Variants in CDK8 observed in about 807,000 individuals in gnomAD.
CDK8 encodes the protein cyclin-dependent kinase 8.
A neutral mutation model predicts 71.5 loss-of-function variants in CDK8; 29 were observed. The observed-to-expected ratio is 0.41, with a 90% CI of 0.30 to 0.55. The LOEUF is 0.55. Among genes scored for constraint, CDK8 ranks in the 20% least tolerant of loss-of-function variants. The pLI is 0.37. For missense variants in CDK8, 288 were observed against 572.6 expected (o/e 0.50, Z 5.07); for synonymous variants, 161 against 192.1 (o/e 0.84, Z 1.34).
chr13:26,300,904 C>T (rs1244281805), intron 1 of CDK8, among the ~76,000 whole-genome samples: 4 of 152,122 alleles, frequency 2.6e-5, no homozygotes, highest in African/African-American at 9.7e-5. Context: ...GAGTTTGGTA[C>T]TGTAGGAAAG....
chr13:26,323,474 A>C (rs915597772), intron 1 of CDK8, among the ~76,000 whole-genome samples: 44 of 152,098 alleles, frequency 2.9e-4, no homozygotes, highest in African/African-American at 1.0e-3. Context: ...TTACCTCCCC[A>C]AGGCCCATAT....
intron 1 of CDK8, among the ~76,000 whole-genome samples, chr13:26,270,045 A>C (rs532833071): frequency 1.3e-5 from 2 of 152,222 alleles, no homozygotes; most frequent in South Asian, 4.1e-4. Flanking sequence ...GTTTTTCTTA[A>C]TATGGCTTTT....
At chr13:26,266,093 C>G (rs906309102) in intron 1 of CDK8, among the ~76,000 whole-genome samples, 2 of 152,028 alleles carry the variant, frequency 1.3e-5, no homozygotes, top group Non-Finnish European at 2.9e-5. Context: ...AGGTTTCTGG[C>G]TTGGGCAGCT....
At chr13:26,280,829 C>A (rs1010443794) in intron 1 of CDK8, among the ~76,000 whole-genome samples, 75 of 152,214 alleles carry the variant, frequency 4.9e-4, no homozygotes, top group African/African-American at 1.7e-3. Context: ...GGCTGACCTG[C>A]AGCTCTTAAC....
intron 1 of CDK8, among the ~76,000 whole-genome samples, chr13:26,316,022 T>C (rs980534249): frequency 2.0e-5 from 3 of 152,178 alleles, no homozygotes; most frequent in African/African-American, 4.8e-5. Flanking sequence ...CCTCCAGATA[T>C]TGGGAATCTG....
chr13:26,283,467 G>A (rs1264320121), intron 1 of CDK8, among the ~76,000 whole-genome samples: 1 of 151,564 alleles, frequency 6.6e-6, no homozygotes, highest in Non-Finnish European at 1.5e-5. Flanking sequence ...AATTAGCTGG[G>A]CGTGGTGGCA....
At chr13:26,379,312 A>G (rs139366080) in intron 4 of CDK8, among the ~76,000 whole-genome samples, 1 of 152,346 alleles carries the variant, frequency 6.6e-6, no homozygotes, top group East Asian at 1.9e-4. Context: ...CAGATGGTGC[A>G]GTAGGCAGTG....
At chr13:26,389,514 C>T (rs1593307730) in intron 6 of CDK8, among the ~76,000 whole-genome samples, 1 of 152,002 alleles carries the variant, frequency 6.6e-6, no homozygotes, top group African/African-American at 2.4e-5. Context: ...CGGGAAGTTA[C>T]AGAGGGAACT....
intron 1 of CDK8, among the ~76,000 whole-genome samples, chr13:26,266,387 C>T (rs938958647): frequency 9.2e-5 from 14 of 152,070 alleles, no homozygotes; most frequent in Non-Finnish European, 1.5e-5. Context: ...AAAGAGATGT[C>T]TACCTAGGAG....
chr13:26,297,936 A>AGGGTGCTG (rs1873633651), intron 1 of CDK8, among the ~76,000 whole-genome samples: 2 of 152,118 alleles, frequency 1.3e-5, no homozygotes, highest in Non-Finnish European at 2.9e-5. Flanking sequence ...CTCTCGCTAT[A>AGGGTGCTG]TCCTCACTTG....
intron 1 of CDK8, among the ~76,000 whole-genome samples, chr13:26,264,690 A>G (rs1871944839): frequency 6.6e-6 from 1 of 152,012 alleles, no homozygotes; most frequent in South Asian, 2.1e-4. Flanking sequence ...GTTAATCTAT[A>G]TCTGCACCCT....
intron 6 of CDK8, 115 bp downstream of exon 6, chr13:26,385,457 GA>G (rs1875430216): frequency 2.1e-5 from 16 of 774,772 alleles, no homozygotes; most frequent in Middle Eastern, 4.0e-4. Context: ...AGAGCAGACT[GA>G]GTGTGATGGC....
At chr13:26,386,808 G>GTC in intron 6 of CDK8, among the ~76,000 whole-genome samples, 1 of 152,272 alleles carries the variant, frequency 6.6e-6, no homozygotes, top group Middle Eastern at 3.4e-3. Context: ...TGCTAATGAA[G>GTC]TCTCCTGCCT....
chr13:26,271,679 A>G (rs1157547254), intron 1 of CDK8, among the ~76,000 whole-genome samples: 1 of 151,674 alleles, frequency 6.6e-6, no homozygotes, highest in African/African-American at 2.4e-5. Flanking sequence ...GCTTGGTGGT[A>G]TTTGCCTGTA....
intron 4 of CDK8, among the ~76,000 whole-genome samples, chr13:26,371,527 A>G (rs1319794563): frequency 6.6e-6 from 1 of 152,224 alleles, no homozygotes; most frequent in East Asian, 1.9e-4. Context: ...AACATATTGT[A>G]GCAGAAGGAT....
chr13:26,400,708 T>G (rs905573195), intron 10 of CDK8, among the ~76,000 whole-genome samples, 158 bp downstream of exon 10: 6 of 152,030 alleles, frequency 3.9e-5, no homozygotes, highest in African/African-American at 1.4e-4. Context: ...AAGTGTCATT[T>G]AGGGGCTTTC....
At chr13:26,363,217 A>G (rs1203696691) in intron 4 of CDK8, among the ~76,000 whole-genome samples, 1 of 148,786 alleles carries the variant, frequency 6.7e-6, no homozygotes, top group Non-Finnish European at 1.5e-5. Flanking sequence ...AGTCCCAGCT[A>G]CTTGGGAGGC....
chr13:26,387,911 T>A (rs1875556806), intron 6 of CDK8, among the ~76,000 whole-genome samples: 1 of 152,224 alleles, frequency 6.6e-6, no homozygotes. Context: ...TAAACTCCAC[T>A]AAAACAGGTG....
intron 9 of CDK8, among the ~76,000 whole-genome samples, chr13:26,398,934 A>G (rs2138071413): frequency 6.6e-6 from 1 of 150,732 alleles, no homozygotes. Flanking sequence ...ACTGCACTCT[A>G]GCCTGGCAAC....
Sources: gnomAD v4.1 joint callset for allele counts (sites outside exome capture counted in the v4.1 genomes callset) on GRCh38, gnomAD v4.1.1 for gene constraint, MANE v1.5 for transcripts, NCBI Gene and HGNC (gene_info 2026-07-23, HGNC 2026-07-21) for gene names.